UVRAG: variants seen among roughly 807,000 people sequenced by gnomAD.
The protein encoded by UVRAG is UV radiation resistance associated.
In UVRAG, 19 loss-of-function variants were observed where a neutral mutation model predicts 78.0. That is an observed-to-expected ratio of 0.24 (90% CI 0.17 to 0.36). UVRAG has a LOEUF of 0.36. Among genes scored for constraint, UVRAG ranks in the 10% least tolerant of loss-of-function variants. The pLI, the probability that UVRAG is intolerant of heterozygous loss-of-function variation, is 1.00. For missense variants in UVRAG, 740 were observed against 853.8 expected, an observed-to-expected ratio of 0.87 and a Z score of 1.66; for synonymous variants, 323 against 324.6, an observed-to-expected ratio of 1.00 and a Z score of 0.05.
chr11:75,892,895 C>G (rs1184218050), intron 5 of UVRAG, among the ~76,000 whole-genome samples: 1 of 152,004 alleles, frequency 6.6e-6, no homozygotes, highest in Non-Finnish European at 1.5e-5. Flanking sequence ...AAGAAATATT[C>G]CTGGCCGGGT....
intron 3 of UVRAG, among the ~76,000 whole-genome samples, chr11:75,872,490 G>C (rs1946675047): frequency 6.7e-6 from 1 of 150,340 alleles, no homozygotes; most frequent in African/African-American, 2.4e-5. Flanking sequence ...CCAGGTTCAA[G>C]CGATTCTCCT....
intron 5 of UVRAG, among the ~76,000 whole-genome samples, chr11:75,895,892 A>T (rs1947333857): frequency 6.6e-6 from 1 of 152,202 alleles, no homozygotes. Context: ...TTTCCTGGCA[A>T]AAAATGTCAA....
intron 1 of UVRAG, among the ~76,000 whole-genome samples, chr11:75,838,396 G>A (rs1431165978): frequency 6.6e-6 from 1 of 151,912 alleles, no homozygotes; most frequent in African/African-American, 2.4e-5. Flanking sequence ...GGAGTGCAGT[G>A]GCTTGATCAT....
At chr11:75,871,044 T>A (rs1946636597) in intron 3 of UVRAG, among the ~76,000 whole-genome samples, 1 of 151,980 alleles carries the variant, frequency 6.6e-6, no homozygotes, top group Non-Finnish European at 1.5e-5. Flanking sequence ...TATTTTTTTA[T>A]ATTTAGTAGA....
intron 11 of UVRAG, 59 bp from the exon 12 acceptor site, chr11:76,016,756 C>A: frequency 7.3e-7 from 1 of 1,377,848 alleles, no homozygotes; most frequent in Admixed American, 2.3e-5. Context: ...TATTTATTAT[C>A]TTATGGTTAT....
intron 13 of UVRAG, among the ~76,000 whole-genome samples, chr11:76,096,131 G>A (rs1046190110): frequency 6.6e-6 from 1 of 152,154 alleles, no homozygotes; most frequent in African/African-American, 2.4e-5. Flanking sequence ...TAAGATTCTT[G>A]TAGACACTCA....
At chr11:75,897,957 C>T (rs568634487) in intron 5 of UVRAG, among the ~76,000 whole-genome samples, 8 of 148,848 alleles carry the variant, frequency 5.4e-5, no homozygotes, top group African/African-American at 2.0e-4. Flanking sequence ...GCAAGCTCCG[C>T]CTCCTGGGTT....
intron 3 of UVRAG, among the ~76,000 whole-genome samples, chr11:75,878,919 G>C (rs1476076421): frequency 1.1e-5 from 1 of 88,998 alleles, no homozygotes. Flanking sequence ...GAGGGGGAGG[G>C]AGAGGGAGAG....
chr11:75,869,536 TTCTG>T (rs1193110971), intron 3 of UVRAG, among the ~76,000 whole-genome samples: 12 of 152,356 alleles, frequency 7.9e-5, no homozygotes, highest in African/African-American at 1.9e-4. Flanking sequence ...GTTTTCCAAC[TTCTG>T]TCTGTTTAAC....
chr11:75,916,364 G>A (rs1032543003), intron 6 of UVRAG: 3 of 152,150 alleles, frequency 2.0e-5, no homozygotes, highest in African/African-American at 7.2e-5. Context: ...TAAAATATTT[G>A]AAAGATCTTA....
At chr11:75,829,308 T>A (rs537797077) in intron 1 of UVRAG, among the ~76,000 whole-genome samples, 1 of 152,260 alleles carries the variant, frequency 6.6e-6, no homozygotes, top group African/African-American at 2.4e-5. Context: ...CAAAAACTAC[T>A]AAAAAATTAG....
chr11:76,091,448 T>C (rs1294576374), intron 13 of UVRAG, among the ~76,000 whole-genome samples: 2 of 152,190 alleles, frequency 1.3e-5, no homozygotes, highest in African/African-American at 4.8e-5. Flanking sequence ...ATTACTTCAT[T>C]AATGGTTTAC....
intron 13 of UVRAG, among the ~76,000 whole-genome samples, chr11:76,066,598 A>G (rs1476049833): frequency 1.3e-5 from 2 of 151,830 alleles, no homozygotes; most frequent in Non-Finnish European, 2.9e-5. Flanking sequence ...TCAGCCTCCC[A>G]AGTAGGTGGG....
chr11:75,914,877 C>T (rs1947817318), intron 6 of UVRAG, among the ~76,000 whole-genome samples: 1 of 152,074 alleles, frequency 6.6e-6, no homozygotes, highest in African/African-American at 2.4e-5. Context: ...GTTCTCTCTC[C>T]TTTTTGTGTG....
chr11:76,091,931 C>A (rs1260325975), intron 13 of UVRAG, among the ~76,000 whole-genome samples: 1 of 151,966 alleles, frequency 6.6e-6, no homozygotes, highest in African/African-American at 2.4e-5. Context: ...GTGTGCTGCA[C>A]CCATTAATTC....
intron 13 of UVRAG, among the ~76,000 whole-genome samples, chr11:76,099,543 T>C (rs1951843827): frequency 6.6e-6 from 1 of 152,152 alleles, no homozygotes; most frequent in African/African-American, 2.4e-5. Context: ...TTATAGTAAA[T>C]GTATAGGTTA....
intron 12 of UVRAG, among the ~76,000 whole-genome samples, chr11:76,026,076 A>G (rs1248787408): frequency 2.0e-5 from 3 of 152,140 alleles, no homozygotes; most frequent in Non-Finnish European, 4.4e-5. Flanking sequence ...TTGGCTGAGC[A>G]ACACTAACTT....
At chr11:75,821,667 C>T (rs1370122535) in intron 1 of UVRAG, among the ~76,000 whole-genome samples, 1 of 152,110 alleles carries the variant, frequency 6.6e-6, no homozygotes, top group African/African-American at 2.4e-5. Context: ...GTCCTTCTTC[C>T]GTGCCAGGAT....
At chr11:76,076,132 A>G (rs1951399993) in intron 13 of UVRAG, among the ~76,000 whole-genome samples, 1 of 152,184 alleles carries the variant, frequency 6.6e-6, no homozygotes, top group Non-Finnish European at 1.5e-5. Context: ...GCTGAGCCAT[A>G]TGGTAGCTAT....
Sources: allele counts gnomAD v4.1 joint callset (sites outside exome capture counted in the v4.1 genomes callset), GRCh38; gene constraint gnomAD v4.1.1; transcripts MANE v1.5; gene names NCBI Gene and HGNC (gene_info 2026-07-23, HGNC 2026-07-21).